ALK: variants seen among roughly 807,000 people sequenced by gnomAD.
The protein encoded by ALK is ALK receptor tyrosine kinase, also known as ALK tyrosine kinase receptor.
In ALK, 74 loss-of-function variants were observed where a neutral mutation model predicts 163.1. The ratio of observed to expected loss-of-function variants is 0.45; its 90% CI spans 0.38 to 0.55. The LOEUF is 0.55. ALK is among the 20% of genes least tolerant of loss of function. ALK has a pLI of 0.00. For synonymous variants in ALK, 960 were observed against 843.2 expected, an observed-to-expected ratio of 1.14 and a Z score of -2.40; for missense variants, 2,063 against 2,105.3, an observed-to-expected ratio of 0.98 and a Z score of 0.39.
At chr2:29,342,245 A>T (rs1667815447) in intron 5 of ALK, among the ~76,000 whole-genome samples, 1 of 152,240 alleles carries the variant, frequency 6.6e-6, no homozygotes, top group Admixed American at 6.5e-5. Context: ...AAAACAATAT[A>T]GTTGTTCCTC....
intron 1 of ALK, among the ~76,000 whole-genome samples, chr2:29,723,429 A>C (rs1289676685): frequency 6.6e-6 from 1 of 152,116 alleles, no homozygotes; most frequent in Non-Finnish European, 1.5e-5. Context: ...AGCCACTCCC[A>C]TCCCTTTGCC....
intron 3 of ALK, among the ~76,000 whole-genome samples, chr2:29,636,188 T>C (rs778876494): frequency 1.1e-4 from 17 of 152,078 alleles, no homozygotes; most frequent in African/African-American, 1.4e-4. Flanking sequence ...ATCAATGGAA[T>C]GAAATGAGAA....
intron 1 of ALK, among the ~76,000 whole-genome samples, chr2:29,909,979 C>CAAAAAAAA (rs563460919): frequency 4.9e-5 from 4 of 81,732 alleles, no homozygotes; most frequent in African/African-American, 1.5e-4. Context: ...TGCACCACAC[C>CAAAAAAAA]AAAAAAAAAA....
At chr2:29,868,681 T>C (rs758427432) in intron 1 of ALK, among the ~76,000 whole-genome samples, 5 of 152,188 alleles carry the variant, frequency 3.3e-5, no homozygotes, top group African/African-American at 4.8e-5. Flanking sequence ...TTCCTCACTC[T>C]AACAAATCAT....
intron 4 of ALK, among the ~76,000 whole-genome samples, chr2:29,502,138 A>T (rs770098698): frequency 4.9e-4 from 74 of 152,322 alleles, no homozygotes; most frequent in Middle Eastern, 3.4e-3. Context: ...GCACAGGTAC[A>T]CGCTGGAGAA....
intron 1 of ALK, among the ~76,000 whole-genome samples, chr2:29,807,442 G>A (rs551206463): frequency 6.6e-6 from 1 of 152,352 alleles, no homozygotes; most frequent in South Asian, 2.1e-4. Flanking sequence ...GCCAGGGAGG[G>A]CTCTGTGCTC....
chr2:29,830,418 C>T (rs112442532), intron 1 of ALK, among the ~76,000 whole-genome samples: 1,946 of 152,052 alleles, frequency 0.013, 26 homozygotes, highest in Middle Eastern at 0.041. Context: ...GTAGGAAGAC[C>T]CTACTGAGAA....
At chr2:29,217,627 C>T (rs999734246) in intron 23 of ALK, among the ~76,000 whole-genome samples, 2 of 152,156 alleles carry the variant, frequency 1.3e-5, no homozygotes, top group African/African-American at 2.4e-5. Context: ...CCTTTTATCC[C>T]ATCTCAAAGG....
At chr2:29,433,496 T>A (rs1670328681) in intron 4 of ALK, among the ~76,000 whole-genome samples, 1 of 152,232 alleles carries the variant, frequency 6.6e-6, no homozygotes, top group South Asian at 2.1e-4. Flanking sequence ...AAGTGCCTAA[T>A]AAGTGTTTGC....
chr2:29,759,898 CA>C (rs1286572719), intron 1 of ALK, among the ~76,000 whole-genome samples: 2 of 152,106 alleles, frequency 1.3e-5, no homozygotes, highest in African/African-American at 2.4e-5. Flanking sequence ...AATATGAAAG[CA>C]AAACATAATT....
chr2:29,722,308 T>C (rs537238969), intron 1 of ALK, among the ~76,000 whole-genome samples: 4 of 152,316 alleles, frequency 2.6e-5, no homozygotes, highest in African/African-American at 7.2e-5. Context: ...CACCAGACCC[T>C]TCCTGTACCT....
rs530610841 is a variant in ALK at position 29,196,091 on chromosome 2, G to A, written c.4164+679C>T. Among the ~76,000 whole-genome samples the A allele has an allele frequency of 1.7e-4, 26 of 152,254 alleles. No homozygotes were observed. In the East Asian group the frequency reaches 2.3e-3, roughly 14 times the overall value. ...GGGAGAGAAGCAAAAATTTCGAGTC[G>A]TTATTGAAGGAATGGGAGAGGGATC... is the stretch of plus-strand genomic sequence containing the variant. On this transcript the variant is annotated intron_variant, in intron 28 of 28. Transcript: ENST00000389048.
At chr2:29,885,793 T>C (rs1666971288) in intron 1 of ALK, among the ~76,000 whole-genome samples, 1 of 152,192 alleles carries the variant, frequency 6.6e-6, no homozygotes, top group Non-Finnish European at 1.5e-5. Flanking sequence ...AAACTACTTT[T>C]TACTTCTTTT....
At chr2:29,801,664 G>T (rs1409042607) in intron 1 of ALK, among the ~76,000 whole-genome samples, 1 of 152,100 alleles carries the variant, frequency 6.6e-6, no homozygotes, top group Non-Finnish European at 1.5e-5. Flanking sequence ...CTCCCTGCCT[G>T]ACTTCTTTCT....
intron 3 of ALK, among the ~76,000 whole-genome samples, chr2:29,597,902 C>A (rs917183929): frequency 1.3e-5 from 2 of 152,118 alleles, no homozygotes; most frequent in Non-Finnish European, 2.9e-5. Flanking sequence ...CACCCATGTG[C>A]CTGAGGAGAG....
At chr2:29,833,859 T>A (rs773518486) in intron 1 of ALK, among the ~76,000 whole-genome samples, 5 of 152,108 alleles carry the variant, frequency 3.3e-5, no homozygotes, top group Non-Finnish European at 5.9e-5. Context: ...CTCTAGACAG[T>A]TTTGATGCCA....
chr2:29,735,920 T>G (rs907161992), intron 1 of ALK, among the ~76,000 whole-genome samples: 1 of 152,006 alleles, frequency 6.6e-6, no homozygotes, highest in African/African-American at 2.4e-5. Context: ...TTTACAGCAG[T>G]GTGAGAAGGG....
chr2:29,411,133 C>G (rs375043823), intron 4 of ALK, among the ~76,000 whole-genome samples: 2 of 152,042 alleles, frequency 1.3e-5, no homozygotes, highest in African/African-American at 4.8e-5. Flanking sequence ...AACTAAGACA[C>G]GAACATGCAC....
At chr2:29,573,353 C>T (rs749639863) in intron 3 of ALK, among the ~76,000 whole-genome samples, 2 of 152,228 alleles carry the variant, frequency 1.3e-5, no homozygotes, top group East Asian at 1.9e-4. Context: ...ATCAGAGGTC[C>T]GTCTGCAAAG....
Sources: gnomAD v4.1 joint callset for allele counts (sites outside exome capture counted in the v4.1 genomes callset) on GRCh38, gnomAD v4.1.1 for gene constraint, MANE v1.5 for transcripts, NCBI Gene and HGNC (gene_info 2026-07-23, HGNC 2026-07-21) for gene names.